The following STAG1 variants were observed in gnomAD, a reference collection of about 807,000 sequenced individuals.
STAG1 encodes the protein cohesin subunit SA-1.
A neutral mutation model predicts 170.9 loss-of-function variants in STAG1; 26 were observed. That is an observed-to-expected ratio of 0.15 (90% CI 0.11 to 0.21). The LOEUF (loss-of-function observed/expected upper bound fraction) is 0.21. Among genes scored for constraint, STAG1 ranks in the 10% least tolerant of loss-of-function variants. STAG1 has a pLI of 1.00. For synonymous variants in STAG1, 514 were observed against 497.7 expected (o/e 1.03, Z -0.44); for missense variants, 964 against 1,509.5 (o/e 0.64, Z 5.99).
chr3:136,367,130 G>GT, intron 24 of STAG1, 48 bp from the exon 25 acceptor site: 3 of 1,426,998 alleles, frequency 2.1e-6, no homozygotes, highest in Non-Finnish European at 2.9e-6. Context: ...CTTTATCCAC[G>GT]TAAAACAATG....
chr3:136,518,859 T>G (rs1179794133), intron 7 of STAG1, among the ~76,000 whole-genome samples: 1 of 152,048 alleles, frequency 6.6e-6, no homozygotes, highest in Non-Finnish European at 1.5e-5. Flanking sequence ...CAAGTAGTTT[T>G]AAAGGTTATG....
At chr3:136,380,080 A>C (rs1285312435) in intron 22 of STAG1, among the ~76,000 whole-genome samples, 2 of 152,214 alleles carry the variant, frequency 1.3e-5, no homozygotes, top group African/African-American at 4.8e-5. Flanking sequence ...CACCCTACAA[A>C]GTAAATGGTA....
intron 1 of STAG1, among the ~76,000 whole-genome samples, chr3:136,724,159 G>GC (rs1159003791): frequency 8.8e-6 from 1 of 113,182 alleles, no homozygotes; most frequent in African/African-American, 6.4e-5. Flanking sequence ...GTGGAATAGA[G>GC]GAGGGGAGAA....
intron 21 of STAG1, among the ~76,000 whole-genome samples, chr3:136,412,805 T>C (rs912024478): frequency 3.3e-5 from 5 of 151,356 alleles, no homozygotes; most frequent in Admixed American, 1.3e-4. Context: ...TGCATTATTC[T>C]GCATTGGTCC....
At chr3:136,443,056 A>G (rs1182818126) in intron 15 of STAG1, among the ~76,000 whole-genome samples, 1 of 152,196 alleles carries the variant, frequency 6.6e-6, no homozygotes, top group African/African-American at 2.4e-5. Context: ...TGACTATTAC[A>G]TGACACGCAT....
chr3:136,738,818 TGAAGA>T (rs1329840866), intron 1 of STAG1, among the ~76,000 whole-genome samples: 2 of 152,202 alleles, frequency 1.3e-5, no homozygotes, highest in Admixed American at 6.5e-5. Context: ...AATAAATATG[TGAAGA>T]AAAGTATATA....
At chr3:136,715,098 A>G (rs1200125992) in intron 1 of STAG1, among the ~76,000 whole-genome samples, 1 of 146,058 alleles carries the variant, frequency 6.8e-6, no homozygotes, top group Non-Finnish European at 1.5e-5. Context: ...AGGGGCGCAC[A>G]GTAAGAGAGT....
intron 21 of STAG1, among the ~76,000 whole-genome samples, chr3:136,403,934 A>C (rs1219453895): frequency 6.6e-6 from 1 of 152,220 alleles, no homozygotes; most frequent in Non-Finnish European, 1.5e-5. Flanking sequence ...TTAAAATAAA[A>C]AGCTTGCTCT....
intron 4 of STAG1, among the ~76,000 whole-genome samples, chr3:136,591,746 T>C (rs956525132): frequency 1.3e-5 from 2 of 152,106 alleles, no homozygotes; most frequent in African/African-American, 4.8e-5. Flanking sequence ...AGAGAGATAA[T>C]TAAAAGAACT....
chr3:136,424,895 A>G (rs949596790), intron 16 of STAG1, among the ~76,000 whole-genome samples: 1 of 152,116 alleles, frequency 6.6e-6, no homozygotes, highest in Non-Finnish European at 1.5e-5. Flanking sequence ...GCTAGAGTGC[A>G]GTGGTGCAAT....
chr3:136,514,910 C>G (rs1934271942), intron 7 of STAG1, among the ~76,000 whole-genome samples: 1 of 150,912 alleles, frequency 6.6e-6, no homozygotes, highest in Non-Finnish European at 1.5e-5. Context: ...CAGGGCCTGT[C>G]GTGGGGTGGG....
At chr3:136,563,988 A>C (rs149845239) in intron 5 of STAG1, among the ~76,000 whole-genome samples, 2 of 148,678 alleles carry the variant, frequency 1.3e-5, no homozygotes, top group South Asian at 4.3e-4. Context: ...GCACCACCGC[A>C]CTCCAGCCTG....
chr3:136,406,527 A>G (rs2087489243), intron 21 of STAG1, among the ~76,000 whole-genome samples: 1 of 152,202 alleles, frequency 6.6e-6, no homozygotes, highest in Non-Finnish European at 1.5e-5. Flanking sequence ...CTGTACATAA[A>G]TAAAAAATTA....
chr3:136,381,037 G>GA (rs58810961), intron 22 of STAG1, among the ~76,000 whole-genome samples: 5,289 of 104,944 alleles, frequency 0.05, 288 homozygotes, highest in African/African-American at 0.16. Flanking sequence ...AAAAAAAAAA[G>GA]AAAAAAAAAA....
At chr3:136,502,996 C>G (rs1432283239) in intron 7 of STAG1, among the ~76,000 whole-genome samples, 1 of 152,114 alleles carries the variant, frequency 6.6e-6, no homozygotes, top group African/African-American at 2.4e-5. Context: ...TTAACACTTT[C>G]CATTTAAACA....
At chr3:136,713,870 A>T (rs941535111) in intron 1 of STAG1, among the ~76,000 whole-genome samples, 1 of 151,864 alleles carries the variant, frequency 6.6e-6, no homozygotes, top group Non-Finnish European at 1.5e-5. Context: ...TAAAAATACA[A>T]AAATTAGCTG....
In STAG1 at chr3:136,684,812, T is replaced by A. The variant is rs1942457247; in HGVS notation, c.-83-53831A>T. Among the ~76,000 whole-genome samples the A allele has an allele frequency of 2.0e-5, 3 of 148,982 alleles. No homozygotes were observed. In the South Asian group the frequency reaches 6.3e-4, roughly 31 times the overall value. On this transcript the variant is annotated intron_variant, in intron 1 of 33. Transcript: ENST00000383202. ...AAAAAAAAAAAGTGCTAGAACAATT[T>A]GACATCCACAAGCAAAAAACATCAG...
chr3:136,718,715 C>G (rs1000169884), intron 1 of STAG1, among the ~76,000 whole-genome samples: 3 of 151,946 alleles, frequency 2.0e-5, no homozygotes, highest in Middle Eastern at 3.4e-3. Context: ...ACATGAGGTC[C>G]GGAGTTTGAG....
intron 6 of STAG1, 61 bp from the exon 7 acceptor site, chr3:136,521,478 T>G (rs1934667630): frequency 6.7e-7 from 1 of 1,492,500 alleles, no homozygotes; most frequent in African/African-American, 1.4e-5. Flanking sequence ...TGAAAGCTTT[T>G]TTTTTCTTCC....
Sources: gnomAD v4.1 joint callset for allele counts (sites outside exome capture counted in the v4.1 genomes callset) on GRCh38, gnomAD v4.1.1 for gene constraint, MANE v1.5 for transcripts, NCBI Gene and HGNC (gene_info 2026-07-23, HGNC 2026-07-21) for gene names.